The following ACSS1 variants were observed in gnomAD, a reference collection of about 807,000 sequenced individuals.
The protein encoded by ACSS1 is acyl-CoA synthetase short chain family member 1.
ACSS1 carries 42 observed loss-of-function variants against 75.3 expected under a neutral mutation model. The observed-to-expected ratio is 0.56, with a 90% CI of 0.44 to 0.72. ACSS1 has a LOEUF of 0.72. ACSS1 is among the 30% of genes least tolerant of loss of function. The pLI is 0.00. For missense variants in ACSS1, 782 were observed against 935.7 expected (o/e 0.84, Z 2.14); for synonymous variants, 380 against 376.8 (o/e 1.01, Z -0.10).
rs140076315 is a variant in ACSS1, at chr20:25,042,352, G to A, written c.431+5733C>T. Among the ~76,000 whole-genome samples the A allele has an allele frequency of 3.1e-4, 47 of 152,226 alleles. No homozygotes were observed. The East Asian group carries it at 7.9e-3, about 26-fold the overall frequency. On this transcript the variant is annotated intron_variant, in intron 2 of 13. Transcript: ENST00000323482. ...GATCCTATCAGATTCTGGCTGTAGCGTGCAGATTCCAGACCAAGGGTCCCA... is the reference window on the plus strand; with the variant it reads ...GATCCTATCAGATTCTGGCTGTAGCATGCAGATTCCAGACCAAGGGTCCCA...
intron 1 of ACSS1, among the ~76,000 whole-genome samples, chr20:25,050,564 G>A (rs546904633): frequency 8.5e-5 from 13 of 152,194 alleles, no homozygotes; most frequent in African/African-American, 2.7e-4. Context: ...CGGAAGAGTG[G>A]CCTGCCCAGG....
At position 25,006,805 on chromosome 20, in the gene ACSS1, C is replaced by G; in HGVS notation, c.*957G>C. ...ATTGGACCTCAGTGGTTCTCACCGC[C>G]CCAACCACAGAGTGAAGGTCAGGCA... On this transcript the variant is annotated 3_prime_UTR_variant, in exon 14 of 14. Coordinates refer to ENST00000323482, the MANE Select transcript of ACSS1 (RefSeq NM_032501.4). The G allele has an allele frequency of 6.5e-7, 1 of 1,533,512 alleles. No individual in the cohort carries two copies. The highest frequency in any genetic ancestry group is 8.7e-7 in the Non-Finnish European group (1 of 1,145,132). 95.0% of individuals were successfully genotyped at this position (1,533,512 alleles called of 1,614,324 possible). A position where few individuals can be genotyped will look rare whatever the true frequency, so the allele number is the denominator to read the frequency against.
chr20:25,028,205 T>G (rs1405967791), intron 3 of ACSS1, among the ~76,000 whole-genome samples: 1 of 152,232 alleles, frequency 6.6e-6, no homozygotes, highest in Non-Finnish European at 1.5e-5. Flanking sequence ...TTCTACAGAT[T>G]GAATGCAATC....
At chr20:25,047,280 T>G (rs141934822) in intron 2 of ACSS1, among the ~76,000 whole-genome samples, 243 of 152,300 alleles carry the variant, frequency 1.6e-3, no homozygotes, top group Non-Finnish European at 2.9e-3. Flanking sequence ...CCCAGCCACA[T>G]GCACCTTCCC....
At chr20:25,045,393 C>T (rs2089070749) in intron 2 of ACSS1, among the ~76,000 whole-genome samples, 2 of 152,188 alleles carry the variant, frequency 1.3e-5, no homozygotes, top group South Asian at 4.1e-4. Flanking sequence ...GCTGCATCTG[C>T]CTGTGCTGAC....
chr20:25,057,163 C>T (rs1041379097), intron 1 of ACSS1, among the ~76,000 whole-genome samples: 6 of 152,060 alleles, frequency 3.9e-5, no homozygotes, highest in Non-Finnish European at 8.8e-5. Context: ...GCCGCCGTTA[C>T]TTCCTTCCCG....
rs1180570744 is a variant in ACSS1, at chr20:25,023,461, C to A, written c.807+5G>T. ...CCTCAAACTGTGCAAAGCGAGGTAA[C>A]CCACCTGCTCCAGCGGGACGTCCAG... On this transcript the variant is annotated splice_donor_5th_base_variant and intron_variant, in intron 4 of 13. Transcript: ENST00000323482. 5 of 1,613,968 alleles carry A rather than the reference C, an allele frequency of 3.1e-6. No homozygotes were observed. In the South Asian group the frequency reaches 3.3e-5, roughly 11 times the overall value.
chr20:25,044,231 C>T (rs2089049682), intron 2 of ACSS1, among the ~76,000 whole-genome samples: 1 of 152,208 alleles, frequency 6.6e-6, no homozygotes, highest in Non-Finnish European at 1.5e-5. Context: ...CTACCTGGGC[C>T]ACCGCTTTTC....
intron 2 of ACSS1, chr20:25,046,812 G>A (rs149211872): frequency 2.1e-4 from 161 of 779,742 alleles, no homozygotes; most frequent in South Asian, 1.1e-3. Context: ...AGTGGGGCCC[G>A]AGGATCCAGG....
rs1346372788 is a variant in ACSS1 at position 25,032,561 on chromosome 20, T to C, written c.432-1603A>G. On this transcript the variant is annotated intron_variant, in intron 2 of 13. Coordinates refer to ENST00000323482, the MANE Select transcript of ACSS1 (RefSeq NM_032501.4). ...GAAGAATGAGGGGAAGCCAAGGCCC[T>C]TTCTCTCTGGGCGGGGCAGACCACC... 3.2e-6 allele frequency: 4 copies of C among 1,248,350 alleles called. No homozygotes were observed. The South Asian group carries it at 1.4e-4, about 44-fold the overall frequency. The allele number at this position is 1,248,350 out of a possible 1,614,324, so 77.3% of individuals were successfully genotyped here.
In ACSS1 at chr20:25,043,350, C is replaced by A. The variant is rs185908061; in HGVS notation, c.431+4735G>T. Among the ~76,000 whole-genome samples, 3 of 152,346 alleles carry A rather than the reference C, an allele frequency of 2.0e-5. No individual in the cohort carries two copies. In the East Asian group the frequency reaches 5.8e-4, roughly 29 times the overall value. ...ATCCAGGGCTGACAACAGAAACAAG[C>A]CTCTCAGAGAGGTGGCCCCAGGCTC... On this transcript the variant is annotated intron_variant, in intron 2 of 13. Coordinates refer to ENST00000323482, the MANE Select transcript of ACSS1 (RefSeq NM_032501.4).
chr20:25,035,245 G>T (rs974921008), intron 2 of ACSS1, among the ~76,000 whole-genome samples: 2 of 152,046 alleles, frequency 1.3e-5, no homozygotes, highest in Non-Finnish European at 2.9e-5. Context: ...TTCAACATGA[G>T]GTCACTAACC....
intron 2 of ACSS1, chr20:25,046,869 G>A (rs1471086412): frequency 2.6e-6 from 2 of 779,702 alleles, no homozygotes; most frequent in Non-Finnish European, 4.8e-6. Flanking sequence ...TCTGCAACCA[G>A]GGACTAGAGA....
chr20:25,014,881 G>A (rs771462671), intron 8 of ACSS1, among the ~76,000 whole-genome samples: 14 of 152,180 alleles, frequency 9.2e-5, no homozygotes, highest in Non-Finnish European at 1.9e-4. Flanking sequence ...TCACCCAGGC[G>A]TGTGGGGGGC....
Position 25,048,071 on chromosome 20 carries a change from C to G in ACSS1, c.431+14G>C, listed in dbSNP as rs200523724. ...GCGCCTCCCTCGCACCTTGAACATT[C>G]GAGGGCACAGTACCTGTAGGTGATC... On this transcript the variant is annotated intron_variant, in intron 2 of 13. Transcript: ENST00000323482. The G allele has an allele frequency of 6.2e-7, 1 of 1,612,718 alleles. No homozygotes were observed. Among genetic ancestry groups the G allele is most frequent in the Non-Finnish European group, 8.5e-7 (1 of 1,179,306 alleles).
chr20:25,039,400 G>C (rs999818382), intron 2 of ACSS1, among the ~76,000 whole-genome samples: 1 of 152,178 alleles, frequency 6.6e-6, no homozygotes, highest in Non-Finnish European at 1.5e-5. Flanking sequence ...CATTTTTCTT[G>C]AGTTAGTTCA....
chr20:25,047,944 A>T, intron 2 of ACSS1, 141 bp downstream of exon 2: 1 of 624,540 alleles, frequency 1.6e-6, no homozygotes, highest in Non-Finnish European at 2.7e-6. Context: ...GTTCACATTT[A>T]CTTTTCCTGG....
intron 1 of ACSS1, among the ~76,000 whole-genome samples, chr20:25,056,035 C>T (rs374352172): frequency 1.8e-4 from 27 of 152,302 alleles, no homozygotes; most frequent in African/African-American, 5.5e-4. Flanking sequence ...TTCTGGCTAA[C>T]GTAGCCATAA....
intron 2 of ACSS1, among the ~76,000 whole-genome samples, chr20:25,034,257 A>T (rs1479351647): frequency 2.0e-5 from 3 of 152,186 alleles, no homozygotes; most frequent in Non-Finnish European, 4.4e-5. Context: ...TGTCACTTTA[A>T]TAGGGAAACA....
Sources: allele counts gnomAD v4.1 joint callset (sites outside exome capture counted in the v4.1 genomes callset), GRCh38; gene constraint gnomAD v4.1.1; transcripts MANE v1.5; gene names NCBI Gene and HGNC (gene_info 2026-07-23, HGNC 2026-07-21).